Variants in CFAP251 observed in about 807,000 individuals in gnomAD.
The protein encoded by CFAP251 is cilia- and flagella-associated protein 251.
Under a neutral mutation model 126.7 loss-of-function variants are expected in CFAP251, and 93 were observed. The ratio of observed to expected loss-of-function variants is 0.73; its 90% CI spans 0.62 to 0.87. The LOEUF is 0.87. CFAP251 is among the 40% of genes least tolerant of loss of function. The pLI, the probability that CFAP251 is intolerant of heterozygous loss-of-function variation, is 0.00. For missense variants in CFAP251, 1,287 were observed against 1,389.2 expected (o/e 0.93, Z 1.17); for synonymous variants, 503 against 506.9 (o/e 0.99, Z 0.10).
chr12:121,972,265 T>A (rs1882353808), intron 17 of CFAP251, among the ~76,000 whole-genome samples: 1 of 152,238 alleles, frequency 6.6e-6, no homozygotes, highest in Non-Finnish European at 1.5e-5. Flanking sequence ...GTTTGGAACT[T>A]CCTAGAGACT....
intron 19 of CFAP251, chr12:121,997,785 C>T (rs1883054883): frequency 6.7e-6 from 1 of 150,006 alleles, no homozygotes; most frequent in Admixed American, 6.6e-5. Context: ...GAGTTTTGCA[C>T]TTGTCACCCA....
intron 19 of CFAP251, among the ~76,000 whole-genome samples, chr12:121,982,011 T>G (rs1882634583): frequency 6.6e-6 from 1 of 151,872 alleles, no homozygotes; most frequent in South Asian, 2.1e-4. Flanking sequence ...TATTTTTGTC[T>G]TTGTCATGAT....
intron 3 of CFAP251, 128 bp downstream of exon 3, chr12:121,924,118 G>GTTTT: frequency 9.5e-7 from 1 of 1,047,500 alleles, no homozygotes; most frequent in Non-Finnish European, 1.3e-6. Flanking sequence ...ATAGACTTGT[G>GTTTT]TTTTTTTTTT....
chr12:121,993,908 C>T (rs1882953910), intron 19 of CFAP251, among the ~76,000 whole-genome samples: 1 of 119,764 alleles, frequency 8.3e-6, no homozygotes, highest in African/African-American at 3.2e-5. Flanking sequence ...CGCCTCTGCC[C>T]GGCCGCCCCT....
chr12:121,921,276 ATC>A lies in CFAP251; in HGVS notation c.-20-4_-20-3del. On this transcript the variant is annotated splice_region_variant and splice_polypyrimidine_tract_variant and intron_variant, in intron 1 of 21. Coordinates refer to ENST00000288912, the MANE Select transcript of CFAP251 (RefSeq NM_144668.6). ...GGGCCAGCTGGTTATTATGGTCAAA[ATC>A]TCTCTAGAGGAAACTCTACAGAGAA... The A allele has an allele frequency of 6.5e-7, 1 of 1,540,262 alleles. No homozygotes were observed. Among genetic ancestry groups the A allele is most frequent in the Non-Finnish European group, 8.7e-7 (1 of 1,150,980 alleles).
intron 19 of CFAP251, among the ~76,000 whole-genome samples, chr12:121,988,796 C>T (rs539867870): frequency 1.0e-4 from 15 of 147,234 alleles, no homozygotes; most frequent in Non-Finnish European, 1.9e-4. Context: ...AGTGCAATGG[C>T]GCGATCTCGG....
intron 17 of CFAP251, among the ~76,000 whole-genome samples, chr12:121,973,524 T>C (rs2135797958): frequency 6.6e-6 from 1 of 152,284 alleles, no homozygotes; most frequent in Non-Finnish European, 1.5e-5. Context: ...CTTGCACTGT[T>C]TGCCTGGAAA....
At position 121,968,147 on chromosome 12, in the gene CFAP251, G is replaced by T; in HGVS notation, c.2749G>T (p.Val917Leu). Residue 917 changes from valine to leucine, a missense_variant, in exon 17 of 22, where the codon GTG becomes TTG. Coordinates refer to ENST00000288912, the MANE Select transcript of CFAP251 (RefSeq NM_144668.6). ...TGCGGGAGGGCACGATCGCTCGGTG[G>T]TGCAGTGGAAAATCACCTTAAGGTA... ...FTAGGHDRSV[V>L]QWKITLSVLE... 6.2e-7 allele frequency: 1 copy of T among 1,608,150 alleles called. No individual in the cohort carries two copies. The highest frequency in any genetic ancestry group is 1.1e-5 in the South Asian group (1 of 90,890).
At position 121,988,256 on chromosome 12, in the gene CFAP251, G is replaced by A. The variant is rs539727318; in HGVS notation, c.3007-11460G>A. 7.2e-4 allele frequency among the ~76,000 whole-genome samples: 109 copies of A among 151,798 alleles called. 1 individual carries two copies. The highest frequency in any genetic ancestry group is 6.6e-3 in the Admixed American group (101 of 15,252). On this transcript the variant is annotated intron_variant, in intron 19 of 21. Coordinates refer to ENST00000288912, the MANE Select transcript of CFAP251 (RefSeq NM_144668.6). Reference sequence around the variant, plus strand: ...TTTATTGAGATATACCACATACCACGTAATTCACCTGTTTAGAGGATGCAG... The same window carrying A: ...TTTATTGAGATATACCACATACCACATAATTCACCTGTTTAGAGGATGCAG...
Position 121,923,705 on chromosome 12 carries a change from A to G in CFAP251, c.462A>G (p.Thr154=), listed in dbSNP as rs1217068349. 1 of 1,614,204 alleles carries G rather than the reference A, an allele frequency of 6.2e-7. No individual in the cohort carries two copies. The highest frequency in any genetic ancestry group is 1.7e-5 in the Admixed American group (1 of 60,024). Residue 154 remains threonine, a synonymous_variant, in exon 3 of 22, where the codon ACA becomes ACG. Coordinates refer to ENST00000288912, the MANE Select transcript of CFAP251 (RefSeq NM_144668.6). ...ETDELLRDLS[T]QIEFLDLDQI... ...ATGAGCTTTTAAGAGACCTGAGCAC[A>G]CAAATTGAATTTCTTGATTTGGATC...
At chr12:121,990,819 C>T (rs1882860161) in intron 19 of CFAP251, among the ~76,000 whole-genome samples, 1 of 152,152 alleles carries the variant, frequency 6.6e-6, no homozygotes, top group Non-Finnish European at 1.5e-5. Context: ...TTTTAAAGCC[C>T]CAGGCAGCCA....
chr12:121,969,492 G>A (rs1882262547), intron 17 of CFAP251: 2 of 984,086 alleles, frequency 2.0e-6, no homozygotes, highest in Non-Finnish European at 2.4e-6. Flanking sequence ...CCTTCTATTT[G>A]TTGTTGTTGT....
rs530490450 is a variant in CFAP251, at chr12:121,952,975, T to C, written c.1321-1145T>C. The C allele has an allele frequency of 5.9e-5, 9 of 152,350 alleles. No individual in the cohort carries two copies. In the East Asian group the frequency reaches 1.7e-3, roughly 29 times the overall value. 9.4% of individuals were successfully genotyped at this position (152,350 alleles called of 1,614,324 possible). On this transcript the variant is annotated intron_variant, in intron 9 of 21. Coordinates refer to ENST00000288912, the MANE Select transcript of CFAP251 (RefSeq NM_144668.6). ...ATAGGGGTAGGTTTCTGTGAGCCTC[T>C]GGTCACATTTTCACCAATTGATCAA...
At chr12:121,930,694 A>G (rs1337644946) in intron 3 of CFAP251, among the ~76,000 whole-genome samples, 5 of 151,486 alleles carry the variant, frequency 3.3e-5, no homozygotes, top group African/African-American at 9.7e-5. Flanking sequence ...TTATCCTTCC[A>G]GTAGAAATAG....
chr12:121,961,315 C>T (rs1881929483), intron 14 of CFAP251, among the ~76,000 whole-genome samples: 1 of 141,750 alleles, frequency 7.1e-6, no homozygotes, highest in Non-Finnish European at 1.5e-5. Context: ...TCCCTCCCTC[C>T]CCCGCCCCTC....
At chr12:121,960,497 C>A in intron 13 of CFAP251, 88 bp from the exon 14 acceptor site, 1 of 1,453,080 alleles carries the variant, frequency 6.9e-7, no homozygotes, top group Non-Finnish European at 9.5e-7. Context: ...GGATTACAGG[C>A]GTGAGCCACC....
rs376739112 is a variant in CFAP251 at position 121,976,274 on chromosome 12, G to A, written c.3006+589G>A. On this transcript the variant is annotated intron_variant, in intron 19 of 21. Coordinates refer to ENST00000288912, the MANE Select transcript of CFAP251 (RefSeq NM_144668.6). ...TCTGCCCGCCTCGGCCTCCCAAAGTGCTGTCATTACAGGCATGAGCGACCA... is the reference window on the plus strand; with the variant it reads ...TCTGCCCGCCTCGGCCTCCCAAAGTACTGTCATTACAGGCATGAGCGACCA... Among the ~76,000 whole-genome samples the A allele has an allele frequency of 3.9e-5, 6 of 152,194 alleles. No individual in the cohort carries two copies. In the South Asian group the frequency reaches 6.2e-4, roughly 16 times the overall value.
chr12:121,923,601 A>T lies in CFAP251; in HGVS notation c.379-21A>T, dbSNP rs748676301. The T allele has an allele frequency of 3.8e-6, 6 of 1,585,140 alleles. No homozygotes were observed. The East Asian group carries it at 8.9e-5, about 24-fold the overall frequency. On this transcript the variant is annotated intron_variant, in intron 2 of 21. Coordinates refer to ENST00000288912, the MANE Select transcript of CFAP251 (RefSeq NM_144668.6). ...GAGTAGCAGCACATATGGAATCATG[A>T]TATTTTATTTCTTTTTAAAGAAAAC...
intron 15 of CFAP251, among the ~76,000 whole-genome samples, chr12:121,965,821 T>TTC (rs35727266): frequency 0.82 from 88,476 of 108,198 alleles, 36,314 homozygotes; most frequent in African/African-American, 0.9. Context: ...CTTCTTCTTC[T>TTC]TTTTTTTTTT....
Sources: allele counts gnomAD v4.1 joint callset (sites outside exome capture counted in the v4.1 genomes callset), GRCh38; gene constraint gnomAD v4.1.1; transcripts MANE v1.5; gene names NCBI Gene and HGNC (gene_info 2026-07-23, HGNC 2026-07-21).